Variants in VRK2 observed in about 807,000 individuals in gnomAD.
VRK2 encodes VRK serine/threonine kinase 2, also known as serine/threonine-protein kinase VRK2.
VRK2 carries 60 observed loss-of-function variants against 57.6 expected under a neutral mutation model. That is an observed-to-expected ratio of 1.04 (90% CI 0.85 to 1.29). VRK2 has a LOEUF of 1.29. Among genes scored for constraint, VRK2 ranks in the 50% most tolerant of loss-of-function variants. The pLI, the probability that VRK2 is intolerant of heterozygous loss-of-function variation, is 0.00. For missense variants in VRK2, 705 were observed against 588.1 expected (o/e 1.20, Z -2.06); for synonymous variants, 231 against 199.2 (o/e 1.16, Z -1.35).
intron 1 of VRK2, among the ~76,000 whole-genome samples, chr2:58,000,524 C>A (rs1673058847): frequency 6.6e-6 from 1 of 152,000 alleles, no homozygotes; most frequent in Non-Finnish European, 1.5e-5. Flanking sequence ...GAGAAAAGAC[C>A]ATCATATAGA....
intron 2 of VRK2, among the ~76,000 whole-genome samples, chr2:58,062,443 T>G (rs1257021932): frequency 6.6e-6 from 1 of 152,056 alleles, no homozygotes; most frequent in Non-Finnish European, 1.5e-5. Flanking sequence ...TAGAAATAAT[T>G]AAGCTTAGTG....
At chr2:57,924,376 T>C (rs1670463725) in intron 1 of VRK2, among the ~76,000 whole-genome samples, 1 of 152,116 alleles carries the variant, frequency 6.6e-6, no homozygotes, top group Admixed American at 6.6e-5. Flanking sequence ...TTTCCATTTT[T>C]TTGTGTGTCT....
At chr2:57,983,827 T>C (rs146208430) in intron 1 of VRK2, among the ~76,000 whole-genome samples, 29 of 152,338 alleles carry the variant, frequency 1.9e-4, no homozygotes, top group African/African-American at 6.3e-4. Flanking sequence ...TAAAGTCAGT[T>C]AGAAAATAGT....
intron 7 of VRK2, among the ~76,000 whole-genome samples, chr2:58,111,573 G>A (rs1675573902): frequency 6.6e-6 from 1 of 152,104 alleles, no homozygotes; most frequent in Admixed American, 6.5e-5. Context: ...GCAAAAAAGT[G>A]AGACCCCATC....
At chr2:58,074,887 ATTAT>A (rs1443437874) in intron 2 of VRK2, among the ~76,000 whole-genome samples, 4 of 151,936 alleles carry the variant, frequency 2.6e-5, no homozygotes, top group Admixed American at 2.6e-4. Flanking sequence ...TTTTATTTTT[ATTAT>A]TTAGTTTCTT....
At position 57,990,024 on chromosome 2, in the gene VRK2, A is replaced by G. The variant is rs142136101; in HGVS notation, c.-438-35641A>G. On this transcript the variant is annotated intron_variant, in intron 1 of 15. Transcript: ENST00000417641. ...AATGTTCACAAAAAGGAGTCTGCAA[A>G]GCCACACACAGAAAGATTCTGCTAG... Among the ~76,000 whole-genome samples the G allele has an allele frequency of 2.4e-4, 36 of 152,346 alleles. 1 individual carries two copies. In the East Asian group the frequency reaches 6.9e-3, roughly 29 times the overall value.
chr2:57,961,741 C>T (rs2103999420), intron 1 of VRK2, among the ~76,000 whole-genome samples: 1 of 151,356 alleles, frequency 6.6e-6, no homozygotes, highest in East Asian at 2.0e-4. Flanking sequence ...GACATCAATA[C>T]TTTCCAGTTG....
chr2:58,044,315 C>T (rs193284971), upstream of VRK2, among the ~76,000 whole-genome samples: 1 of 152,274 alleles, frequency 6.6e-6, no homozygotes, highest in Admixed American at 6.5e-5. Context: ...CTTTTCACCT[C>T]GTTACCTAGA....
intron 1 of VRK2, among the ~76,000 whole-genome samples, chr2:57,945,081 G>C (rs1309248556): frequency 6.6e-6 from 1 of 152,080 alleles, no homozygotes; most frequent in Non-Finnish European, 1.5e-5. Context: ...TGGAATAACT[G>C]ATCAGTATCT....
At chr2:58,096,674 G>T (rs1673183553) in intron 7 of VRK2, among the ~76,000 whole-genome samples, 1 of 151,508 alleles carries the variant, frequency 6.6e-6, no homozygotes, top group Non-Finnish European at 1.5e-5. Context: ...GTTCAATTTT[G>T]ACTCATTAAT....
chr2:57,927,463 G>A (rs946372220), intron 1 of VRK2, among the ~76,000 whole-genome samples: 2 of 151,992 alleles, frequency 1.3e-5, no homozygotes, highest in South Asian at 4.1e-4. Context: ...TTTTAGTAGA[G>A]ACGGGGTGTC....
chr2:57,910,622 C>T (rs2103881349), intron 1 of VRK2, among the ~76,000 whole-genome samples: 1 of 151,998 alleles, frequency 6.6e-6, no homozygotes, highest in East Asian at 1.9e-4. Flanking sequence ...ATAATGTTGC[C>T]AACCTTATAG....
At chr2:58,097,413 T>C (rs1358611627) in intron 7 of VRK2, among the ~76,000 whole-genome samples, 1 of 152,142 alleles carries the variant, frequency 6.6e-6, no homozygotes, top group East Asian at 1.9e-4. Flanking sequence ...TCAAGTTGTT[T>C]AGGGGGAGAG....
intron 1 of VRK2, among the ~76,000 whole-genome samples, chr2:57,931,814 CTTTT>C (rs55860900): frequency 8.4e-5 from 12 of 143,340 alleles, no homozygotes; most frequent in Admixed American, 1.4e-4. Context: ...GATCAACTTT[CTTTT>C]TTTTTTTTTT....
chr2:58,049,826 T>C (rs1184163143), intron 2 of VRK2, among the ~76,000 whole-genome samples: 1 of 152,142 alleles, frequency 6.6e-6, no homozygotes, highest in Non-Finnish European at 1.5e-5. Context: ...CAGAAAAACA[T>C]GCTTCATGGA....
chr2:57,959,759 T>C (rs144123145), intron 1 of VRK2, among the ~76,000 whole-genome samples: 1 of 152,272 alleles, frequency 6.6e-6, no homozygotes, highest in East Asian at 1.9e-4. Flanking sequence ...ATTGGTGAAC[T>C]GATAGGAGAG....
intron 1 of VRK2, among the ~76,000 whole-genome samples, chr2:57,983,743 A>G (rs1303841649): frequency 6.6e-6 from 1 of 152,254 alleles, no homozygotes; most frequent in Non-Finnish European, 1.5e-5. Flanking sequence ...CTTGGCTGAA[A>G]TAATGATTAC....
intron 1 of VRK2, among the ~76,000 whole-genome samples, chr2:58,021,365 C>A (rs552975818): frequency 7.2e-5 from 11 of 152,204 alleles, no homozygotes; most frequent in Non-Finnish European, 1.6e-4. Context: ...GGGCTTACAT[C>A]CCTTCATATC....
At chr2:58,027,668 T>C (rs909296669) in intron 2 of VRK2, among the ~76,000 whole-genome samples, 3 of 152,298 alleles carry the variant, frequency 2.0e-5, no homozygotes, top group East Asian at 3.9e-4. Context: ...AGTCAACGTA[T>C]GTAACTATTG....
Sources: allele counts gnomAD v4.1 joint callset (sites outside exome capture counted in the v4.1 genomes callset), GRCh38; gene constraint gnomAD v4.1.1; transcripts MANE v1.5; gene names NCBI Gene and HGNC (gene_info 2026-07-23, HGNC 2026-07-21).